The following HDAC9 variants were observed in gnomAD, a reference collection of about 807,000 sequenced individuals.
HDAC9 encodes MEF-2 interacting transcription repressor (MITR) protein.
A neutral mutation model predicts 139.4 loss-of-function variants in HDAC9; 41 were observed. The ratio of observed to expected loss-of-function variants is 0.29; its 90% CI spans 0.23 to 0.38. HDAC9 has a LOEUF of 0.38. Ranked by LOEUF, HDAC9 falls within the 10% of genes least tolerant of loss-of-function variation. The pLI, the probability that HDAC9 is intolerant of heterozygous loss-of-function variation, is 1.00. For synonymous variants in HDAC9, 517 were observed against 476.2 expected (o/e 1.09, Z -1.12); for missense variants, 1,147 against 1,297.0 (o/e 0.88, Z 1.78).
upstream of HDAC9, among the ~76,000 whole-genome samples, chr7:18,491,074 T>A (rs112023273): frequency 0.013 from 2,034 of 152,060 alleles, 44 homozygotes; most frequent in African/African-American, 0.046. Flanking sequence ...CATTACCTCC[T>A]TTGCTTGTTT....
intron 22 of HDAC9, among the ~76,000 whole-genome samples, chr7:18,879,626 TG>T (rs1799575897): frequency 6.6e-6 from 1 of 152,184 alleles, no homozygotes. Context: ...AGACTGAAGC[TG>T]GACCCCTTCC....
intron 1 of HDAC9, among the ~76,000 whole-genome samples, chr7:18,455,912 C>G (rs1037039147): frequency 6.6e-6 from 1 of 152,152 alleles, no homozygotes; most frequent in Admixed American, 6.6e-5. Context: ...TCAGCTATAA[C>G]CAGAAAACAT....
chr7:18,790,016 G>A (rs2129177069), intron 16 of HDAC9, among the ~76,000 whole-genome samples: 1 of 152,232 alleles, frequency 6.6e-6, no homozygotes, highest in East Asian at 1.9e-4. Context: ...TTGGAAAGTG[G>A]ATATGGATGT....
At chr7:18,745,022 A>G (rs986546273) in intron 13 of HDAC9, among the ~76,000 whole-genome samples, 1 of 152,184 alleles carries the variant, frequency 6.6e-6, no homozygotes, top group Non-Finnish European at 1.5e-5. Flanking sequence ...TAATTAATCT[A>G]TTGGCTTATG....
intron 6 of HDAC9, among the ~76,000 whole-genome samples, chr7:18,623,868 G>T (rs138082218): frequency 1.3e-5 from 2 of 152,164 alleles, no homozygotes; most frequent in Non-Finnish European, 2.9e-5. Context: ...GAACCCAGGA[G>T]GGGGAGGTTA....
intron 21 of HDAC9, among the ~76,000 whole-genome samples, chr7:18,844,807 G>A (rs2129218540): frequency 6.6e-6 from 1 of 152,246 alleles, no homozygotes; most frequent in Middle Eastern, 3.4e-3. Context: ...TTTAGTTTCA[G>A]AAAGTCTCCC....
chr7:18,782,562 G>A (rs1200371742), intron 16 of HDAC9, among the ~76,000 whole-genome samples: 1 of 152,180 alleles, frequency 6.6e-6, no homozygotes. Flanking sequence ...GGAAACTACA[G>A]TTGAACTAGA....
intron 24 of HDAC9, among the ~76,000 whole-genome samples, chr7:18,964,527 A>C (rs1208035771): frequency 6.6e-6 from 1 of 152,202 alleles, no homozygotes; most frequent in Non-Finnish European, 1.5e-5. Flanking sequence ...GTAGGTAATA[A>C]AATCGAAAAG....
At chr7:18,207,694 A>G (rs1000220658) in intron 2 of HDAC9, among the ~76,000 whole-genome samples, 4 of 151,436 alleles carry the variant, frequency 2.6e-5, no homozygotes, top group Non-Finnish European at 5.9e-5. Context: ...ATAATTATTT[A>G]TTTATTATTA....
chr7:18,921,457 G>A (rs1803716368), intron 22 of HDAC9, among the ~76,000 whole-genome samples: 2 of 152,150 alleles, frequency 1.3e-5, no homozygotes, highest in South Asian at 4.1e-4. Context: ...CATTTATGCA[G>A]CCAAAACACA....
At chr7:18,539,462 A>G (rs1812005101) in intron 2 of HDAC9, among the ~76,000 whole-genome samples, 1 of 152,242 alleles carries the variant, frequency 6.6e-6, no homozygotes, top group Non-Finnish European at 1.5e-5. Context: ...TTAGAACAGC[A>G]AAAAGGATAC....
chr7:18,410,346 A>T (rs1788429842), intron 1 of HDAC9, among the ~76,000 whole-genome samples: 1 of 152,174 alleles, frequency 6.6e-6, no homozygotes. Flanking sequence ...AATGGACATA[A>T]TGAAGAAAGA....
intron 7 of HDAC9, among the ~76,000 whole-genome samples, chr7:18,633,203 G>A (rs1782871761): frequency 6.6e-6 from 1 of 152,090 alleles, no homozygotes; most frequent in Non-Finnish European, 1.5e-5. Flanking sequence ...AAAAGTCAAA[G>A]AGATGGGAAG....
intron 2 of HDAC9, among the ~76,000 whole-genome samples, chr7:18,183,054 T>C (rs575045897): frequency 2.6e-5 from 4 of 151,686 alleles, no homozygotes; most frequent in Non-Finnish European, 5.9e-5. Context: ...CTGTTGCCCG[T>C]GCTGGAGTGC....
chr7:18,204,252 C>T (rs1247816013), intron 2 of HDAC9, among the ~76,000 whole-genome samples: 1 of 151,124 alleles, frequency 6.6e-6, no homozygotes, highest in Non-Finnish European at 1.5e-5. Context: ...TTTACTTAAT[C>T]ATTCCTATGG....
intron 2 of HDAC9, among the ~76,000 whole-genome samples, chr7:18,279,623 A>G (rs1378206002): frequency 6.6e-6 from 1 of 151,640 alleles, no homozygotes; most frequent in African/African-American, 2.4e-5. Context: ...CCGCCACCAC[A>G]GCTGGCTAAT....
chr7:18,675,733 C>A (rs1329947450), intron 12 of HDAC9, among the ~76,000 whole-genome samples: 1 of 151,994 alleles, frequency 6.6e-6, no homozygotes, highest in Non-Finnish European at 1.5e-5. Flanking sequence ...GGCTGCTCAG[C>A]CTCTCCTCCC....
In HDAC9 at chr7:18,585,367, G is replaced by A. The variant is rs773054471; in HGVS notation, c.109G>A (p.Val37Met). ...RTDLRMMMPV[V>M]DPVVREKQLQ... Reference sequence around the variant, plus strand: ...AGACCTCAGGATGATGATGCCCGTGGTGGACCCTGTTGTCCGTGAGAAGCA... The same window carrying A: ...AGACCTCAGGATGATGATGCCCGTGATGGACCCTGTTGTCCGTGAGAAGCA... The change falls in exon 3 of 26, where the codon GTG becomes ATG. Residue 37 changes from valine to methionine, a missense_variant. Physicochemically the swap from Val to Met is conservative, Grantham distance 21 (BLOSUM62 1). Transcript: ENST00000686413. 5 of 1,613,924 alleles carry A rather than the reference G, an allele frequency of 3.1e-6. No homozygotes were observed. In the South Asian group the frequency reaches 3.3e-5, roughly 11 times the overall value.
intron 21 of HDAC9, among the ~76,000 whole-genome samples, chr7:18,873,003 C>T: frequency 6.6e-6 from 1 of 152,050 alleles, no homozygotes; most frequent in Non-Finnish European, 1.5e-5. Flanking sequence ...ATAAAGCACT[C>T]CTAATTCTTT....
Sources: allele counts gnomAD v4.1 joint callset (sites outside exome capture counted in the v4.1 genomes callset), GRCh38; gene constraint gnomAD v4.1.1; transcripts MANE v1.5; gene names NCBI Gene and HGNC (gene_info 2026-07-23, HGNC 2026-07-21).